The following DNAJC1 variants were observed in gnomAD, a reference collection of about 807,000 sequenced individuals.
DNAJC1 encodes DnaJ heat shock protein family (Hsp40) member C1, also known as dnaJ homolog subfamily C member 1.
In DNAJC1, 58 loss-of-function variants were observed where a neutral mutation model predicts 76.6. That is an observed-to-expected ratio of 0.76 (90% CI 0.61 to 0.94). DNAJC1 has a LOEUF of 0.94. Among genes scored for constraint, DNAJC1 ranks in the 40% least tolerant of loss-of-function variants. The pLI is 0.00. For synonymous variants in DNAJC1, 258 were observed against 267.9 expected, an observed-to-expected ratio of 0.96 and a Z score of 0.36; for missense variants, 689 against 677.3, an observed-to-expected ratio of 1.02 and a Z score of -0.19.
chr10:21,963,167 A>G (rs1837828948), intron 1 of DNAJC1, among the ~76,000 whole-genome samples: 1 of 152,224 alleles, frequency 6.6e-6, no homozygotes, highest in Non-Finnish European at 1.5e-5. Context: ...ACACTTTATA[A>G]AAACAAGTAC....
intron 8 of DNAJC1, among the ~76,000 whole-genome samples, chr10:21,837,812 T>C (rs1254593361): frequency 3.4e-4 from 41 of 121,194 alleles, no homozygotes; most frequent in Non-Finnish European, 6.6e-4. Context: ...AGCCGCCCCG[T>C]CCGGGAGGGA....
intron 9 of DNAJC1, among the ~76,000 whole-genome samples, chr10:21,777,268 T>C (rs1291039577): frequency 6.6e-6 from 1 of 152,190 alleles, no homozygotes; most frequent in Non-Finnish European, 1.5e-5. Flanking sequence ...AAATTCAGTA[T>C]ACTAGTAACA....
Position 21,946,522 on chromosome 10 carries a change from GTT to G in DNAJC1, c.223-17383_223-17382del, listed in dbSNP as rs1837508124. On this transcript the variant is annotated intron_variant, in intron 1 of 11. Transcript: ENST00000376980. ...ATAAAAAAGATAATTAGTCCCAAAT[GTT>G]AAGGCTGTGGAGCAACTGCAACACC... Among the ~76,000 whole-genome samples the G allele has an allele frequency of 2.6e-5, 4 of 152,066 alleles. No individual in the cohort carries two copies. The South Asian group carries it at 8.3e-4, about 32-fold the overall frequency.
Position 21,759,259 on chromosome 10 carries a change from T to A in DNAJC1, c.1507A>T (p.Lys503Ter). 2 of 1,614,188 alleles carry A rather than the reference T, an allele frequency of 1.2e-6. No homozygotes were observed. The highest frequency in any genetic ancestry group is 1.7e-6 in the Non-Finnish European group (2 of 1,180,034). The change falls in exon 11 of 12, where the codon AAA (lysine) becomes TAA (stop). Residue 503 changes from lysine to a stop codon, truncating the protein, a stop_gained. Coordinates refer to ENST00000376980, the MANE Select transcript of DNAJC1 (RefSeq NM_022365.4). LOFTEE classifies it high-confidence loss of function. ...AEEPWTQNQQ[K>*]LLELALQQYP... is the part of the protein sequence containing the mutation. ...TGCTGCAACGCCAGTTCCAGAAGTT[T>A]CTGTTGATTTTGAGTCCACGGCTCC... is the stretch of plus-strand genomic sequence containing the variant.
At chr10:21,879,279 T>G (rs1836233876) in intron 8 of DNAJC1, among the ~76,000 whole-genome samples, 1 of 152,180 alleles carries the variant, frequency 6.6e-6, no homozygotes, top group Non-Finnish European at 1.5e-5. Context: ...ATAAAGTTAA[T>G]ATTGTAATAA....
At chr10:21,770,995 G>C (rs1238611584) in intron 9 of DNAJC1, among the ~76,000 whole-genome samples, 1 of 152,002 alleles carries the variant, frequency 6.6e-6, no homozygotes, top group Non-Finnish European at 1.5e-5. Context: ...ATGTTATATA[G>C]TTTTCAAAGT....
chr10:21,813,220 C>CTATA (rs777283982), intron 8 of DNAJC1, among the ~76,000 whole-genome samples: 272 of 19,028 alleles, frequency 0.014, 28 homozygotes, highest in Middle Eastern at 0.045. Context: ...CTCTCTCTCT[C>CTATA]TATATATATA....
intron 8 of DNAJC1, among the ~76,000 whole-genome samples, chr10:21,864,880 A>G (rs1835972669): frequency 6.6e-6 from 1 of 152,098 alleles, no homozygotes; most frequent in Non-Finnish European, 1.5e-5. Flanking sequence ...CAAACTCTTA[A>G]ACTGAGCAAT....
intron 7 of DNAJC1, among the ~76,000 whole-genome samples, chr10:21,899,522 C>A (rs1274477477): frequency 1.3e-5 from 2 of 152,106 alleles, no homozygotes; most frequent in Non-Finnish European, 1.5e-5. Context: ...TTGGAGTATA[C>A]AGACAGTCCA....
intron 7 of DNAJC1, among the ~76,000 whole-genome samples, chr10:21,903,170 C>T (rs1200413474): frequency 1.3e-5 from 2 of 152,078 alleles, no homozygotes; most frequent in East Asian, 3.9e-4. Flanking sequence ...CCGCCCGCCT[C>T]GGCCTCCAAA....
At chr10:21,810,027 C>T (rs1263301352) in intron 8 of DNAJC1, among the ~76,000 whole-genome samples, 2 of 151,866 alleles carry the variant, frequency 1.3e-5, no homozygotes, top group Non-Finnish European at 2.9e-5. Flanking sequence ...CCAATACTAT[C>T]GATTTAGGGC....
At chr10:22,000,506 C>G (rs1285205232) in intron 1 of DNAJC1, among the ~76,000 whole-genome samples, 1 of 152,246 alleles carries the variant, frequency 6.6e-6, no homozygotes, top group Admixed American at 6.5e-5. Context: ...TCTGCTCCAG[C>G]CACACTGCCT....
At chr10:21,853,808 A>T (rs982784675) in intron 8 of DNAJC1, among the ~76,000 whole-genome samples, 1 of 150,688 alleles carries the variant, frequency 6.6e-6, no homozygotes, top group Non-Finnish European at 1.5e-5. Context: ...AAAAAAAAAA[A>T]AAAAAAAAGA....
intron 9 of DNAJC1, among the ~76,000 whole-genome samples, chr10:21,798,803 T>A (rs1433538226): frequency 6.6e-6 from 1 of 152,208 alleles, no homozygotes; most frequent in Non-Finnish European, 1.5e-5. Flanking sequence ...AGGGCAACTA[T>A]CTTTGCTTGC....
intron 8 of DNAJC1, among the ~76,000 whole-genome samples, chr10:21,813,175 CCTCTCTCTCT>C (rs532971786): frequency 0.063 from 1,777 of 28,020 alleles, 81 homozygotes; most frequent in South Asian, 0.087. Context: ...TCTCTCTCTC[CCTCTCTCTCT>C]CTCTCTCTCT....
chr10:21,960,900 T>G (rs889226309), intron 1 of DNAJC1, among the ~76,000 whole-genome samples: 1 of 151,850 alleles, frequency 6.6e-6, no homozygotes, highest in Admixed American at 6.6e-5. Context: ...GAACTTAAAG[T>G]AAAATTTCAA....
intron 7 of DNAJC1, among the ~76,000 whole-genome samples, chr10:21,895,529 A>G (rs1836527340): frequency 6.6e-6 from 1 of 152,208 alleles, no homozygotes; most frequent in Non-Finnish European, 1.5e-5. Flanking sequence ...TTATAGTAAA[A>G]TGCAAGAAGA....
At chr10:22,001,513 T>C (rs886933976) in intron 1 of DNAJC1, among the ~76,000 whole-genome samples, 1 of 152,252 alleles carries the variant, frequency 6.6e-6, no homozygotes, top group Non-Finnish European at 1.5e-5. Flanking sequence ...AAGAATCTTC[T>C]TGATTATCTA....
At chr10:21,771,767 G>C (rs1482924837) in intron 9 of DNAJC1, among the ~76,000 whole-genome samples, 1 of 152,168 alleles carries the variant, frequency 6.6e-6, no homozygotes, top group Non-Finnish European at 1.5e-5. Flanking sequence ...CAAAGCGTTG[G>C]TATTACAGGT....
Sources: allele counts gnomAD v4.1 joint callset (sites outside exome capture counted in the v4.1 genomes callset), GRCh38; gene constraint gnomAD v4.1.1; transcripts MANE v1.5; gene names NCBI Gene and HGNC (gene_info 2026-07-23, HGNC 2026-07-21).